Variants in FER1L6 observed in about 807,000 individuals in gnomAD.
FER1L6 encodes fer-1 like family member 6, also known as fer-1-like protein 6.
FER1L6 carries 177 observed loss-of-function variants against 219.2 expected under a neutral mutation model. That is an observed-to-expected ratio of 0.81 (90% CI 0.71 to 0.91). The LOEUF (loss-of-function observed/expected upper bound fraction) is 0.91. FER1L6 is among the 40% of genes least tolerant of loss of function. The pLI, the probability that FER1L6 is intolerant of heterozygous loss-of-function variation, is 0.00. For synonymous variants in FER1L6, 768 were observed against 824.3 expected, an observed-to-expected ratio of 0.93 and a Z score of 1.17; for missense variants, 2,153 against 2,259.9, an observed-to-expected ratio of 0.95 and a Z score of 0.96.
chr8:124,071,464 T>G (rs1407556842), intron 30 of FER1L6, 42 bp from the exon 31 acceptor site: 2 of 1,611,262 alleles, frequency 1.2e-6, no homozygotes, highest in African/African-American at 2.7e-5. Flanking sequence ...TGGTGGGACA[T>G]ATGACCATCT....
intron 1 of FER1L6, among the ~76,000 whole-genome samples, chr8:123,904,224 TTGTG>T (rs56224402): frequency 0.038 from 5,312 of 139,430 alleles, 208 homozygotes; most frequent in African/African-American, 0.11. Context: ...CTCTGTATAT[TTGTG>T]TGTGTGTGTG....
chr8:124,116,838 A>AT (rs1823270419), intron 39 of FER1L6, among the ~76,000 whole-genome samples: 1 of 152,100 alleles, frequency 6.6e-6, no homozygotes, highest in Admixed American at 6.6e-5. Flanking sequence ...ATTGGAGACC[A>AT]TTTTTCCATG....
At chr8:124,024,571 G>A (rs1331200244) in intron 18 of FER1L6, among the ~76,000 whole-genome samples, 1 of 152,132 alleles carries the variant, frequency 6.6e-6, no homozygotes, top group Non-Finnish European at 1.5e-5. Flanking sequence ...ATTTCATGGT[G>A]TATATATATC....
At chr8:123,958,008 A>G (rs564498089) in intron 2 of FER1L6, among the ~76,000 whole-genome samples, 2 of 152,280 alleles carry the variant, frequency 1.3e-5, no homozygotes, top group South Asian at 4.2e-4. Context: ...TTGCTTTTTC[A>G]TCTGTGTATT....
At position 123,980,789 on chromosome 8, in the gene FER1L6, A is replaced by G. The variant is rs1444290632; in HGVS notation, c.1388A>G (p.Glu463Gly). The change falls in exon 11 of 41, where the codon GAA becomes GGA. Residue 463 changes from glutamate to glycine, a missense_variant. Physicochemically the swap from Glu to Gly is moderately conservative, Grantham distance 98 (BLOSUM62 -2). Transcript: ENST00000522917. The stretch of plus-strand genomic sequence containing the variant: ...ACTAACTCAACCGAGGTGGAGGTGG[A>G]ATCGTTCGATGTCCCCCCGGAGGTA... ...NKTNSTEVEVESFDVPPEIVP... is the reference protein window; with the variant it reads ...NKTNSTEVEVGSFDVPPEIVP... 21 of 1,613,948 alleles carry G rather than the reference A, an allele frequency of 1.3e-5. No individual in the cohort carries two copies. The highest frequency in any genetic ancestry group is 1.7e-5 in the Non-Finnish European group (20 of 1,179,936).
intron 33 of FER1L6, among the ~76,000 whole-genome samples, chr8:124,087,703 G>A (rs1032227077): frequency 6.6e-6 from 1 of 152,094 alleles, no homozygotes; most frequent in Non-Finnish European, 1.5e-5. Context: ...GCGCTTGTTT[G>A]TACCCATCCT....
At chr8:123,964,097 T>C (rs1289128990) in intron 3 of FER1L6, among the ~76,000 whole-genome samples, 1 of 152,152 alleles carries the variant, frequency 6.6e-6, no homozygotes, top group East Asian at 1.9e-4. Context: ...GTGCCAATGG[T>C]AGCAATGGCA....
At chr8:123,915,527 C>A (rs1363051852) in intron 1 of FER1L6, among the ~76,000 whole-genome samples, 1 of 152,038 alleles carries the variant, frequency 6.6e-6, no homozygotes, top group African/African-American at 2.4e-5. Flanking sequence ...TGTTAAAATT[C>A]AATTCATCAT....
At chr8:123,916,105 A>C (rs926361898) in intron 1 of FER1L6, among the ~76,000 whole-genome samples, 5 of 152,220 alleles carry the variant, frequency 3.3e-5, no homozygotes, top group African/African-American at 1.2e-4. Context: ...CCCAGGGTCA[A>C]AGCTGCCTTC....
intron 12 of FER1L6, among the ~76,000 whole-genome samples, chr8:123,998,359 T>G (rs1817234768): frequency 1.2e-5 from 1 of 82,544 alleles, no homozygotes; most frequent in African/African-American, 4.1e-5. Context: ...TTAGTTTCCC[T>G]CAAAAAGAGG....
intron 21 of FER1L6, chr8:124,046,140 G>A: frequency 2.3e-6 from 1 of 436,666 alleles, no homozygotes; most frequent in Middle Eastern, 6.1e-4. Context: ...ATTAAAATTG[G>A]ATCTGGTTTA....
intron 15 of FER1L6, among the ~76,000 whole-genome samples, chr8:124,016,581 GA>G (rs1818209955): frequency 6.6e-6 from 1 of 152,040 alleles, no homozygotes; most frequent in Admixed American, 6.6e-5. Context: ...GTGCATTTGG[GA>G]ACATACACCC....
At chr8:123,903,518 G>C (rs1812895700) in intron 1 of FER1L6, among the ~76,000 whole-genome samples, 6 of 152,118 alleles carry the variant, frequency 3.9e-5, no homozygotes. Flanking sequence ...TCCAAGAACA[G>C]TTTTCATATT....
At chr8:123,963,159 T>C in intron 2 of FER1L6, 119 bp from the exon 3 acceptor site, 1 of 1,311,360 alleles carries the variant, frequency 7.6e-7, no homozygotes, top group Non-Finnish European at 1.0e-6. Context: ...TGGCAGAGTC[T>C]GTCTTCTAGT....
chr8:123,969,529 T>C (rs149677078), intron 5 of FER1L6, among the ~76,000 whole-genome samples: 1 of 152,076 alleles, frequency 6.6e-6, no homozygotes, highest in Admixed American at 6.5e-5. Context: ...GGGGAAAAAA[T>C]TTATACTATC....
intron 33 of FER1L6, among the ~76,000 whole-genome samples, chr8:124,085,360 T>G (rs1219633780): frequency 6.6e-6 from 1 of 152,106 alleles, no homozygotes; most frequent in Non-Finnish European, 1.5e-5. Context: ...TGGGTGCTTA[T>G]TGCTATAAAC....
intron 39 of FER1L6, among the ~76,000 whole-genome samples, chr8:124,107,748 G>A (rs878945602): frequency 6.6e-6 from 1 of 152,162 alleles, no homozygotes; most frequent in African/African-American, 2.4e-5. Flanking sequence ...TCAATGCAGA[G>A]TTTTTCTGCT....
At chr8:124,053,054 G>GT (rs1563768280) in intron 22 of FER1L6, among the ~76,000 whole-genome samples, 1 of 152,214 alleles carries the variant, frequency 6.6e-6, no homozygotes, top group African/African-American at 2.4e-5. Flanking sequence ...CATTTTGCAC[G>GT]TGAGAAAGCT....
In FER1L6 at chr8:123,980,679, C is replaced by T; in HGVS notation, c.1278C>T (p.Ser426=). 1 of 1,614,084 alleles carries T rather than the reference C, an allele frequency of 6.2e-7. No individual in the cohort carries two copies. The highest frequency in any genetic ancestry group is 8.5e-7 in the Non-Finnish European group (1 of 1,180,004). Residue 426 remains serine (S), a synonymous_variant, in exon 11 of 41, where the codon TCC becomes TCT. Transcript: ENST00000522917. The stretch of plus-strand genomic sequence containing the variant: ...CCCTGAAGGAGCTCAAGTTGCCTTC[C>T]AAGGACAAAGACTCCAAATCTTCCA... ...SKALKELKLP[S]KDKDSKSSKG... is the part of the protein sequence containing the mutation.
Sources: gnomAD v4.1 joint callset for allele counts (sites outside exome capture counted in the v4.1 genomes callset) on GRCh38, gnomAD v4.1.1 for gene constraint, MANE v1.5 for transcripts, NCBI Gene and HGNC (gene_info 2026-07-23, HGNC 2026-07-21) for gene names.